Variants in ZC3H6 observed in about 807,000 individuals in gnomAD.
ZC3H6 encodes the protein zinc finger CCCH domain-containing protein 6.
Under a neutral mutation model 107.7 loss-of-function variants are expected in ZC3H6, and 40 were observed. The observed-to-expected ratio is 0.37, with a 90% CI of 0.29 to 0.48. ZC3H6 has a LOEUF of 0.48. Among genes scored for constraint, ZC3H6 ranks in the 20% least tolerant of loss-of-function variants. The pLI is 0.98. For synonymous variants in ZC3H6, 493 were observed against 487.9 expected (o/e 1.01, Z -0.14); for missense variants, 1,267 against 1,410.4 (o/e 0.90, Z 1.63).
rs992226773 is a variant in ZC3H6 at position 112,338,474 on chromosome 2, G to C, written c.*5986G>C. 6.6e-6 allele frequency: 1 copy of C among 152,184 alleles called. No homozygotes were observed. The highest frequency in any genetic ancestry group is 1.5e-5 in the Non-Finnish European group (1 of 68,030). 9.4% of individuals were successfully genotyped at this position (152,184 alleles called of 1,614,324 possible). ...ATTATTGTAGGCATAAGGAAGAGCT[G>C]TGAGTTCAAAGAAGATTGTGAGTTC... On this transcript the variant is annotated 3_prime_UTR_variant, in exon 12 of 12. Coordinates refer to ENST00000409871, the MANE Select transcript of ZC3H6 (RefSeq NM_198581.3).
intron 5 of ZC3H6, among the ~76,000 whole-genome samples, chr2:112,313,275 T>C (rs1465999634): frequency 6.6e-6 from 1 of 152,212 alleles, no homozygotes; most frequent in Non-Finnish European, 1.5e-5. Context: ...CTATGGTTAT[T>C]ATTTTAGAAT....
At position 112,293,275 on chromosome 2, in the gene ZC3H6, G is replaced by A. The variant is rs567946794; in HGVS notation, c.33-6574G>A. 2.0e-5 allele frequency among the ~76,000 whole-genome samples: 3 copies of A among 152,266 alleles called. No homozygotes were observed. The East Asian group carries it at 5.8e-4, about 29-fold the overall frequency. The stretch of plus-strand genomic sequence containing the variant: ...CTGAAGGATTTTATATTTGGGTTGA[G>A]GCTTTGAGAAATTCTAAGACTGGCT... On this transcript the variant is annotated intron_variant, in intron 1 of 11. Transcript: ENST00000409871.
At chr2:112,290,632 G>A (rs1252578452) in intron 1 of ZC3H6, among the ~76,000 whole-genome samples, 3 of 150,012 alleles carry the variant, frequency 2.0e-5, no homozygotes, top group African/African-American at 4.9e-5. Context: ...GAATAAATAC[G>A]TGTTAAATGA....
At chr2:112,297,892 A>G (rs1676272697) in intron 1 of ZC3H6, among the ~76,000 whole-genome samples, 2 of 152,210 alleles carry the variant, frequency 1.3e-5, no homozygotes, top group Admixed American at 6.5e-5. Flanking sequence ...AGGCAGGCAG[A>G]TCACTTGAGG....
Position 112,331,401 on chromosome 2 carries a change from C to A in ZC3H6, c.2483C>A (p.Thr828Lys), listed in dbSNP as rs770882666. The A allele has an allele frequency of 5.0e-6, 8 of 1,613,448 alleles. No homozygotes were observed. Among genetic ancestry groups the A allele is most frequent in the Non-Finnish European group, 5.9e-6 (7 of 1,179,816 alleles). The change falls in exon 12 of 12, where the codon ACA (threonine) becomes AAA (lysine). Residue 828 changes from threonine (T) to lysine (K), a missense_variant. Thr to Lys is a moderately conservative substitution (Grantham distance 78). Transcript: ENST00000409871. ...AGAGGCGATGATGATGATGAAGATA[C>A]AGAAAGAGAACTGAGAGAAAAAGCT... ...HKRGDDDDED[T>K]ERELREKAFL...
chr2:112,332,248 A>G lies in ZC3H6; in HGVS notation c.3330A>G (p.Pro1110=), dbSNP rs372752062. The part of the protein sequence containing the change: ...SPNVGVTLEG[P]ADPQADVPRS... ...ACGTGGGAGTCACTCTTGAGGGGCC[A>G]GCTGACCCACAGGCGGACGTTCCCA... Residue 1110 remains proline (P), a synonymous_variant, in exon 12 of 12, where the codon CCA becomes CCG. Coordinates refer to ENST00000409871, the MANE Select transcript of ZC3H6 (RefSeq NM_198581.3). 1.9e-5 allele frequency: 31 copies of G among 1,613,878 alleles called. No individual in the cohort carries two copies. In the African/African-American group the frequency reaches 3.7e-4, roughly 19 times the overall value.
At chr2:112,281,340 AAC>A (rs1686523090) in intron 1 of ZC3H6, among the ~76,000 whole-genome samples, 1 of 152,162 alleles carries the variant, frequency 6.6e-6, no homozygotes, top group African/African-American at 2.4e-5. Flanking sequence ...GATTGAGGAA[AAC>A]ACAAGGGATT....
intron 1 of ZC3H6, among the ~76,000 whole-genome samples, chr2:112,297,392 T>A (rs953758270): frequency 1.3e-5 from 2 of 152,312 alleles, no homozygotes; most frequent in East Asian, 1.9e-4. Flanking sequence ...CACCATAGTT[T>A]AGTTGTTTTT....
At chr2:112,298,726 A>ATTT (rs1676298278) in intron 1 of ZC3H6, among the ~76,000 whole-genome samples, 1 of 152,262 alleles carries the variant, frequency 6.6e-6, no homozygotes, top group Admixed American at 6.5e-5. Context: ...AATGTAAAAT[A>ATTT]TTTAAGTACA....
intron 5 of ZC3H6, 175 bp downstream of exon 5, chr2:112,312,112 T>A: frequency 1.7e-6 from 1 of 582,068 alleles, no homozygotes; most frequent in Non-Finnish European, 2.7e-6. Flanking sequence ...GTTGTGAAAC[T>A]AATTTACAGA....
At chr2:112,315,055 G>A (rs183900899) in intron 5 of ZC3H6, among the ~76,000 whole-genome samples, 1 of 152,134 alleles carries the variant, frequency 6.6e-6, no homozygotes, top group Non-Finnish European at 1.5e-5. Context: ...TGAACTTTAT[G>A]CTCTATCTTT....
At chr2:112,330,323 A>T (rs1677002308) in intron 11 of ZC3H6, among the ~76,000 whole-genome samples, 2 of 152,052 alleles carry the variant, frequency 1.3e-5, no homozygotes, top group Non-Finnish European at 2.9e-5. Context: ...AAAGTGCTGG[A>T]ATTACAGGTG....
chr2:112,330,245 G>A (rs1677000749), intron 11 of ZC3H6, among the ~76,000 whole-genome samples: 1 of 151,976 alleles, frequency 6.6e-6, no homozygotes, highest in Non-Finnish European at 1.5e-5. Flanking sequence ...AGTAGAGACG[G>A]GGTTTCACCG....
chr2:112,338,397 A>G lies in ZC3H6; in HGVS notation c.*5909A>G, dbSNP rs1280502787. The G allele has an allele frequency of 6.6e-6, 1 of 152,190 alleles. No homozygotes were observed. Among genetic ancestry groups the G allele is most frequent in the African/African-American group, 2.4e-5 (1 of 41,446 alleles). The allele number at this position is 152,190 out of a possible 1,614,324, so 9.4% of individuals were successfully genotyped here. On this transcript the variant is annotated 3_prime_UTR_variant, in exon 12 of 12. Coordinates refer to ENST00000409871, the MANE Select transcript of ZC3H6 (RefSeq NM_198581.3). ...ATTTTGGGTCTTGTATCTGGTCTTT[A>G]AACACCTTTCGTTACCCTTTGGAAT...
intron 7 of ZC3H6, among the ~76,000 whole-genome samples, chr2:112,321,517 G>A (rs1345673540): frequency 2.0e-5 from 3 of 151,830 alleles, no homozygotes; most frequent in Admixed American, 6.6e-5. Context: ...TAATAATACA[G>A]CCTTATTGAT....
intron 1 of ZC3H6, among the ~76,000 whole-genome samples, chr2:112,298,732 G>A (rs548728102): frequency 6.6e-6 from 1 of 152,234 alleles, no homozygotes; most frequent in African/African-American, 2.4e-5. Flanking sequence ...AAATATTTAA[G>A]TACAAAATAC....
At chr2:112,280,268 T>G (rs942331653) in intron 1 of ZC3H6, among the ~76,000 whole-genome samples, 4 of 152,234 alleles carry the variant, frequency 2.6e-5, no homozygotes, top group Admixed American at 6.5e-5. Flanking sequence ...AACTTACTTC[T>G]GATTCCTGAA....
intron 11 of ZC3H6, among the ~76,000 whole-genome samples, chr2:112,329,749 T>C (rs1486547596): frequency 6.6e-6 from 1 of 152,206 alleles, no homozygotes; most frequent in Non-Finnish European, 1.5e-5. Flanking sequence ...GAGATACATA[T>C]ATGCATATAC....
intron 1 of ZC3H6, among the ~76,000 whole-genome samples, chr2:112,286,835 C>T (rs1388516585): frequency 6.6e-6 from 1 of 152,018 alleles, no homozygotes; most frequent in Non-Finnish European, 1.5e-5. Flanking sequence ...TTGAGATGGG[C>T]CAAGGGAGAA....
Sources: gnomAD v4.1 joint callset for allele counts (sites outside exome capture counted in the v4.1 genomes callset) on GRCh38, gnomAD v4.1.1 for gene constraint, MANE v1.5 for transcripts, NCBI Gene and HGNC (gene_info 2026-07-23, HGNC 2026-07-21) for gene names.